Variants in DMXL1 observed in about 807,000 individuals in gnomAD.
The protein encoded by DMXL1 is Dmx like 1.
In DMXL1, 99 loss-of-function variants were observed where a neutral mutation model predicts 319.2. The ratio of observed to expected loss-of-function variants is 0.31; its 90% CI spans 0.26 to 0.37. DMXL1 has a LOEUF of 0.37. Ranked by LOEUF, DMXL1 falls within the 10% of genes least tolerant of loss-of-function variation. The pLI is 1.00. For missense variants in DMXL1, 3,745 were observed against 3,595.6 expected (o/e 1.04, Z -1.06); for synonymous variants, 1,385 against 1,235.2 (o/e 1.12, Z -2.54).
At position 119,173,764 on chromosome 5, in the gene DMXL1, A is replaced by ATGTGTG. The variant is rs1355531998; in HGVS notation, c.6682-1496_6682-1495insGTGTGT. Among the ~76,000 whole-genome samples, 14 of 107,646 alleles carry ATGTGTG rather than the reference A, an allele frequency of 1.3e-4. 1 individual carries two copies. The highest frequency in any genetic ancestry group is 5.3e-4 in the African/African-American group (13 of 24,542). 70.6% of individuals were successfully genotyped at this position (107,646 alleles called of 152,430 possible). On this transcript the variant is annotated intron_variant, in intron 25 of 43. Transcript: ENST00000539542. ...TATATATATGTGTGTGTATATATAT[A>ATGTGTG]TATGTGTGTGTGTATATATATATAT...
In DMXL1 at chr5:119,133,906, T is replaced by C. The variant is rs1292510007; in HGVS notation, c.1982T>C (p.Leu661Ser). The C allele has an allele frequency of 1.9e-6, 3 of 1,614,070 alleles. No homozygotes were observed. Among genetic ancestry groups the C allele is most frequent in the Non-Finnish European group, 2.5e-6 (3 of 1,180,046 alleles). The change falls in exon 12 of 44, where the codon TTA becomes TCA. Residue 661 changes from leucine (L) to serine (S), a missense_variant. Transcript: ENST00000539542. Reference sequence around the variant, plus strand: ...CTGACAACATCACACCATAATGCATTAAGGACACCAGATGTTGATAACCCA... The same window carrying C: ...CTGACAACATCACACCATAATGCATCAAGGACACCAGATGTTGATAACCCA... ...LLLTTSHHNA[L>S]RTPDVDNPEQ...
chr5:119,142,423 A>G (rs1003470307), intron 13 of DMXL1, among the ~76,000 whole-genome samples: 10 of 151,942 alleles, frequency 6.6e-5, no homozygotes, highest in Admixed American at 3.9e-4. Context: ...AACAAACATG[A>G]TAAAAAGCTC....
At chr5:119,109,374 G>T (rs1309768831) in intron 4 of DMXL1, among the ~76,000 whole-genome samples, 1 of 152,126 alleles carries the variant, frequency 6.6e-6, no homozygotes. Flanking sequence ...CCCTCTTCCA[G>T]TTAAGCCCTC....
chr5:119,100,103 G>A (rs1398343298), intron 2 of DMXL1, among the ~76,000 whole-genome samples: 1 of 152,074 alleles, frequency 6.6e-6, no homozygotes, highest in African/African-American at 2.4e-5. Flanking sequence ...TATCATAGTG[G>A]TTCCTTAAAG....
Position 119,098,099 on chromosome 5 carries a change from G to A in DMXL1, c.208G>A (p.Gly70Ser), listed in dbSNP as rs745705464. The A allele has an allele frequency of 6.3e-7, 1 of 1,597,120 alleles. No homozygotes were observed. Among genetic ancestry groups the A allele is most frequent in the Non-Finnish European group, 8.5e-7 (1 of 1,175,316 alleles). Residue 70 changes from glycine to serine, a missense_variant, in exon 2 of 44, where the codon GGC becomes AGC. By Grantham distance (56) the Gly-to-Ser change is moderately conservative (BLOSUM62 0). Coordinates refer to ENST00000539542, the MANE Select transcript of DMXL1 (RefSeq NM_001290321.3). Reference protein sequence around the residue: ...VGCVDCSMQQGKIAASYGNVI... With the variant: ...VGCVDCSMQQSKIAASYGNVI... ...ATGTGTAGACTGTTCAATGCAACAAGGCAAGGTTTGTAATCTTCTTCTAAT... is the reference window on the plus strand; with the variant it reads ...ATGTGTAGACTGTTCAATGCAACAAAGCAAGGTTTGTAATCTTCTTCTAAT...
intron 14 of DMXL1, 143 bp from the exon 15 acceptor site, chr5:119,144,393 G>A (rs890459435): frequency 3.4e-6 from 2 of 593,712 alleles, no homozygotes; most frequent in Non-Finnish European, 6.0e-6. Context: ...TCTAATGGAG[G>A]TGCCATACGC....
At chr5:119,193,352 T>C (rs1779032018) in intron 29 of DMXL1, among the ~76,000 whole-genome samples, 1 of 150,484 alleles carries the variant, frequency 6.6e-6, no homozygotes, top group Non-Finnish European at 1.5e-5. Context: ...ATTTTTCCCC[T>C]GTCTAAAATG....
intron 2 of DMXL1, 29 bp from the exon 3 acceptor site, chr5:119,101,906 C>G: frequency 6.9e-7 from 1 of 1,447,628 alleles, no homozygotes; most frequent in Non-Finnish European, 9.5e-7. Flanking sequence ...TAACATATCC[C>G]TAATAAATTC....
intron 41 of DMXL1, 131 bp from the exon 42 acceptor site, chr5:119,240,288 G>A: frequency 3.7e-6 from 2 of 547,740 alleles, no homozygotes; most frequent in Non-Finnish European, 3.2e-6. Context: ...TTGGTTACTT[G>A]TATTTGTTGC....
chr5:119,245,648 C>T lies in DMXL1; in HGVS notation c.8922+1072C>T, dbSNP rs566671085. 4.6e-5 allele frequency among the ~76,000 whole-genome samples: 7 copies of T among 150,916 alleles called. No homozygotes were observed. In the South Asian group the frequency reaches 1.5e-3, roughly 32 times the overall value. On this transcript the variant is annotated intron_variant, in intron 43 of 43. Coordinates refer to ENST00000539542, the MANE Select transcript of DMXL1 (RefSeq NM_001290321.3). ...TCCACCTCCCGGGTTCAAGCGATTT[C>T]CCTGCTTCAGCTTCCAGAGTAGCTG...
chr5:119,174,352 C>T (rs554726380), intron 25 of DMXL1, among the ~76,000 whole-genome samples: 14 of 152,008 alleles, frequency 9.2e-5, no homozygotes, highest in Non-Finnish European at 1.6e-4. Flanking sequence ...TCCTCTTGGT[C>T]GAACAAGTCA....
chr5:119,170,272 T>C lies in DMXL1; in HGVS notation c.5481T>C (p.His1827=). The change falls in exon 24 of 44, where the codon CAT becomes CAC. Residue 1827 remains histidine (H), a synonymous_variant. Transcript: ENST00000539542. ...CACATCCTCTTTTGCTGAGACGTCA[T>C]TTTGGATCATCTGATACATTTTCCA... is the stretch of plus-strand genomic sequence containing the variant. ...LRTHPLLLRR[H]FGSSDTFSTH... 1 of 1,613,874 alleles carries C rather than the reference T, an allele frequency of 6.2e-7. No individual in the cohort carries two copies.
intron 13 of DMXL1, among the ~76,000 whole-genome samples, chr5:119,137,290 G>A (rs1233514545): frequency 6.6e-6 from 1 of 152,216 alleles, no homozygotes; most frequent in Non-Finnish European, 1.5e-5. Context: ...TTTACCCAAT[G>A]CCTGTGCTCG....
At chr5:119,079,412 T>G (rs899677646) in intron 1 of DMXL1, among the ~76,000 whole-genome samples, 1 of 152,244 alleles carries the variant, frequency 6.6e-6, no homozygotes, top group African/African-American at 2.4e-5. Context: ...TAAAGTTATC[T>G]CTACTTTTTT....
intron 1 of DMXL1, among the ~76,000 whole-genome samples, chr5:119,093,600 C>G (rs116554310): frequency 0.016 from 2,461 of 152,210 alleles, 27 homozygotes; most frequent in Non-Finnish European, 0.023. Context: ...TTTAAGTGTT[C>G]AGAAAGGAAG....
chr5:119,167,177 A>G (rs542062085), intron 22 of DMXL1, among the ~76,000 whole-genome samples: 44 of 152,312 alleles, frequency 2.9e-4, no homozygotes, highest in African/African-American at 9.4e-4. Flanking sequence ...AATATTTAAG[A>G]TACAACATTT....
At chr5:119,130,438 G>C (rs925369164) in intron 10 of DMXL1, among the ~76,000 whole-genome samples, 2 of 152,052 alleles carry the variant, frequency 1.3e-5, no homozygotes, top group Non-Finnish European at 2.9e-5. Context: ...CACCTCCCGG[G>C]TTCAAGCAAT....
In DMXL1 at chr5:119,071,521, C is replaced by G; in HGVS notation, c.-49C>G. 1 of 1,544,888 alleles carries G rather than the reference C, an allele frequency of 6.5e-7. No individual in the cohort carries two copies. Among genetic ancestry groups the G allele is most frequent in the South Asian group, 1.2e-5 (1 of 84,912 alleles). ...AGGAGGGAGGGAAGCAGCCGCTGACCCGTGGCATGAGCTGGATGCGGTGTC... is the reference window on the plus strand; with the variant it reads ...AGGAGGGAGGGAAGCAGCCGCTGACGCGTGGCATGAGCTGGATGCGGTGTC... On this transcript the variant is annotated 5_prime_UTR_variant, in exon 1 of 44. Transcript: ENST00000539542.
chr5:119,071,914 G>A (rs1384327592), intron 1 of DMXL1, among the ~76,000 whole-genome samples: 1 of 152,154 alleles, frequency 6.6e-6, no homozygotes, highest in Non-Finnish European at 1.5e-5. Context: ...TCTGCCTTGG[G>A]CCAGGGTGCT....
Sources: allele counts gnomAD v4.1 joint callset (sites outside exome capture counted in the v4.1 genomes callset), GRCh38; gene constraint gnomAD v4.1.1; transcripts MANE v1.5; gene names NCBI Gene and HGNC (gene_info 2026-07-23, HGNC 2026-07-21).